The following DBT variants were observed in gnomAD, a reference collection of about 807,000 sequenced individuals.
DBT encodes the protein dihydrolipoamide branched chain transacylase E2, also known as lipoamide acyltransferase component of branched-chain alpha-keto acid dehydrogenase complex, mitochondrial.
In DBT, 40 loss-of-function variants were observed where a neutral mutation model predicts 51.3. The ratio of observed to expected loss-of-function variants is 0.78; its 90% CI spans 0.61 to 1.02. The LOEUF (loss-of-function observed/expected upper bound fraction) is 1.02. Ranked by LOEUF, DBT falls within the 50% of genes least tolerant of loss-of-function variation. DBT has a pLI of 0.00. For missense variants in DBT, 510 were observed against 580.2 expected (o/e 0.88, Z 1.24); for synonymous variants, 181 against 190.4 (o/e 0.95, Z 0.41).
intron 10 of DBT, among the ~76,000 whole-genome samples, chr1:100,197,901 G>C (rs1196830527): frequency 3.3e-5 from 5 of 151,978 alleles, no homozygotes; most frequent in Non-Finnish European, 2.9e-5. Context: ...GACACAAAGG[G>C]AGAAAGGAAT....
At chr1:100,199,970 C>A (rs370022793) in intron 10 of DBT, among the ~76,000 whole-genome samples, 5 of 152,200 alleles carry the variant, frequency 3.3e-5, no homozygotes, top group African/African-American at 1.2e-4. Flanking sequence ...AACTGGGAGG[C>A]CGTTTGGGCA....
chr1:100,241,552 C>G (rs74987406), intron 1 of DBT, among the ~76,000 whole-genome samples: 6,421 of 151,926 alleles, frequency 0.042, 166 homozygotes, highest in South Asian at 0.053. Context: ...CATGCTACCC[C>G]ACCCAATTAA....
intron 7 of DBT, among the ~76,000 whole-genome samples, chr1:100,214,189 T>C (rs1004852736): frequency 3.9e-5 from 6 of 152,212 alleles, no homozygotes; most frequent in African/African-American, 1.4e-4. Context: ...GTCAGTGATA[T>C]TGCAAAATTA....
intron 10 of DBT, among the ~76,000 whole-genome samples, chr1:100,198,847 T>C (rs994985932): frequency 6.6e-6 from 1 of 152,110 alleles, no homozygotes; most frequent in African/African-American, 2.4e-5. Flanking sequence ...AGGAAAGAAT[T>C]TGTGAGGGTT....
chr1:100,218,828 G>A, intron 4 of DBT, 81 bp from the exon 5 acceptor site: 5 of 1,100,690 alleles, frequency 4.5e-6, no homozygotes, highest in Non-Finnish European at 6.8e-6. Flanking sequence ...CCACTAAGAT[G>A]TGGCCTATAA....
At chr1:100,218,529 A>T in intron 5 of DBT, 97 bp downstream of exon 5, 1 of 1,328,548 alleles carries the variant, frequency 7.5e-7, no homozygotes, top group Non-Finnish European at 1.1e-6. Context: ...CCTTAATTTC[A>T]TTGAGCTATT....
chr1:100,227,028 G>A (rs1255916850), intron 4 of DBT, among the ~76,000 whole-genome samples: 6 of 152,120 alleles, frequency 3.9e-5, no homozygotes, highest in Admixed American at 3.9e-4. Context: ...AGCCTACTAC[G>A]CACCTAGGCT....
chr1:100,214,609 C>A (rs1662373234), intron 7 of DBT, among the ~76,000 whole-genome samples: 1 of 152,232 alleles, frequency 6.6e-6, no homozygotes, highest in Non-Finnish European at 1.5e-5. Context: ...ACAAAATTAG[C>A]CAGGCGTGGT....
Position 100,192,705 on chromosome 1 carries a change from T to C in DBT, c.*3550A>G, listed in dbSNP as rs1660866104. ...ATAAGGTACATTTTGATCTCTAAAA[T>C]ATAAATTCATACCAATTTTAGCTTC... On this transcript the variant is annotated 3_prime_UTR_variant, in exon 11 of 11. Transcript: ENST00000370132. 6.6e-6 allele frequency: 1 copy of C among 152,206 alleles called. No homozygotes were observed. The highest frequency in any genetic ancestry group is 1.5e-5 in the Non-Finnish European group (1 of 68,036). 9.4% of individuals were successfully genotyped at this position (152,206 alleles called of 1,614,324 possible). A position where few individuals can be genotyped will look rare whatever the true frequency, so the allele number is the denominator to read the frequency against.
intron 7 of DBT, among the ~76,000 whole-genome samples, chr1:100,214,065 T>A (rs1479405507): frequency 6.6e-6 from 1 of 152,102 alleles, no homozygotes; most frequent in East Asian, 1.9e-4. Flanking sequence ...CTGCTCAAGG[T>A]TAGCTGATGG....
At chr1:100,228,060 G>A (rs1347671726) in intron 4 of DBT, among the ~76,000 whole-genome samples, 2 of 152,128 alleles carry the variant, frequency 1.3e-5, no homozygotes, top group African/African-American at 4.8e-5. Context: ...TGGCCAGCCA[G>A]GCTGGTCTCA....
intron 2 of DBT, among the ~76,000 whole-genome samples, chr1:100,240,044 T>C (rs537756948): frequency 6.6e-6 from 1 of 152,222 alleles, no homozygotes; most frequent in East Asian, 1.9e-4. Flanking sequence ...AAAAAAACAG[T>C]TCTTGTGCCC....
intron 10 of DBT, 106 bp downstream of exon 10, chr1:100,206,124 C>T: frequency 1.1e-5 from 7 of 631,852 alleles, no homozygotes; most frequent in Non-Finnish European, 1.6e-5. Flanking sequence ...AACTCAGAAA[C>T]TTAAAACCTA....
Position 100,206,304 on chromosome 1 carries a change from A to AT in DBT, c.1210-4dup, listed in dbSNP as rs201117345. On this transcript the variant is annotated splice_polypyrimidine_tract_variant and splice_region_variant and intron_variant, in intron 9 of 10. Coordinates refer to ENST00000370132, the MANE Select transcript of DBT (RefSeq NM_001918.5). ...GGTTTGGCAAAGGTACCACCAATCT[A>AT]TTTTTTAAAAAAAAAAAAAGGAGAG... 4.3e-4 allele frequency: 611 copies of AT among 1,436,184 alleles called. No individual in the cohort carries two copies. The highest frequency in any genetic ancestry group is 4.8e-4 in the Non-Finnish European group (499 of 1,038,348). 89.0% of individuals were successfully genotyped at this position (1,436,184 alleles called of 1,614,324 possible).
intron 7 of DBT, among the ~76,000 whole-genome samples, chr1:100,212,766 G>A (rs190596633): frequency 3.9e-5 from 6 of 152,256 alleles, no homozygotes; most frequent in Admixed American, 2.6e-4. Context: ...TGATCGAGAA[G>A]AACGGGCACT....
chr1:100,241,447 G>A (rs1664204811), intron 1 of DBT, among the ~76,000 whole-genome samples: 1 of 151,600 alleles, frequency 6.6e-6, no homozygotes, highest in African/African-American at 2.4e-5. Context: ...CCAGGCTGGA[G>A]TGCAGTGGTG....
chr1:100,188,522 C>T lies in DBT; in HGVS notation c.*7733G>A, dbSNP rs978936239. ...TTTAATACAGTTTGATGGCTCTTCT[C>T]GGGGTGTAGATGAGTGGGGGCACTT... is the stretch of plus-strand genomic sequence containing the variant. On this transcript the variant is annotated 3_prime_UTR_variant, in exon 11 of 11. Transcript: ENST00000370132. The T allele has an allele frequency of 5.3e-5, 8 of 152,096 alleles. No homozygotes were observed. The highest frequency in any genetic ancestry group is 1.2e-4 in the African/African-American group (5 of 41,408). The allele number at this position is 152,096 out of a possible 1,614,324, so 9.4% of individuals were successfully genotyped here. A position where few individuals can be genotyped will look rare whatever the true frequency, so the allele number is the denominator to read the frequency against.
At chr1:100,213,494 C>G in intron 7 of DBT, 1 of 1,544,934 alleles carries the variant, frequency 6.5e-7, no homozygotes, top group Non-Finnish European at 9.0e-7. Flanking sequence ...CATCCGCTAT[C>G]CTACCAACTC....
chr1:100,247,697 CAAAAAAAA>C (rs59843533), intron 1 of DBT, among the ~76,000 whole-genome samples: 3 of 107,882 alleles, frequency 2.8e-5, no homozygotes, highest in Admixed American at 1.1e-4. Flanking sequence ...AGACTCTTCT[CAAAAAAAA>C]AAAAAAAAAA....
Sources: allele counts gnomAD v4.1 joint callset (sites outside exome capture counted in the v4.1 genomes callset), GRCh38; gene constraint gnomAD v4.1.1; transcripts MANE v1.5; gene names NCBI Gene and HGNC (gene_info 2026-07-23, HGNC 2026-07-21).